The following SAMD4A variants were observed in gnomAD, a reference collection of about 807,000 sequenced individuals.
SAMD4A encodes the protein sterile alpha motif domain containing 4A, also known as protein Smaug homolog 1.
In SAMD4A, 33 loss-of-function variants were observed where a neutral mutation model predicts 81.3. The ratio of observed to expected loss-of-function variants is 0.41; its 90% CI spans 0.31 to 0.54. The LOEUF is 0.54. Ranked by LOEUF, SAMD4A falls within the 20% of genes least tolerant of loss-of-function variation. SAMD4A has a pLI of 0.37. For synonymous variants in SAMD4A, 389 were observed against 382.1 expected, an observed-to-expected ratio of 1.02 and a Z score of -0.21; for missense variants, 854 against 951.1, an observed-to-expected ratio of 0.90 and a Z score of 1.34.
At chr14:54,626,618 C>A (rs1390121949) in intron 2 of SAMD4A, among the ~76,000 whole-genome samples, 1 of 152,130 alleles carries the variant, frequency 6.6e-6, no homozygotes. Context: ...GTACTAAAAA[C>A]CCCTCCTATA....
intron 2 of SAMD4A, among the ~76,000 whole-genome samples, chr14:54,629,335 T>G (rs2034839859): frequency 6.6e-6 from 1 of 152,234 alleles, no homozygotes; most frequent in Non-Finnish European, 1.5e-5. Context: ...TTTTCAGAAC[T>G]GTGAGAATAA....
At chr14:54,754,912 G>A in intron 6 of SAMD4A, 1 of 938,838 alleles carries the variant, frequency 1.1e-6, no homozygotes, top group Non-Finnish European at 1.3e-6. Flanking sequence ...GTCATACATG[G>A]TTCCTGCAAT....
At chr14:54,621,990 TAA>T (rs2140304451) in intron 2 of SAMD4A, among the ~76,000 whole-genome samples, 1 of 152,302 alleles carries the variant, frequency 6.6e-6, no homozygotes, top group East Asian at 1.9e-4. Flanking sequence ...ACTAGAATAA[TAA>T]ACATTTTTCT....
intron 2 of SAMD4A, among the ~76,000 whole-genome samples, chr14:54,607,032 A>G (rs2034226073): frequency 6.6e-6 from 1 of 152,330 alleles, no homozygotes; most frequent in East Asian, 1.9e-4. Flanking sequence ...GACTCGGAAC[A>G]TGAGGCCTTG....
intron 2 of SAMD4A, among the ~76,000 whole-genome samples, chr14:54,621,073 T>A (rs2034602857): frequency 6.6e-6 from 1 of 152,196 alleles, no homozygotes; most frequent in Non-Finnish European, 1.5e-5. Flanking sequence ...TGACATTTGC[T>A]TTTGAGCAGG....
intron 3 of SAMD4A, among the ~76,000 whole-genome samples, chr14:54,735,893 G>A (rs2037679733): frequency 6.6e-6 from 1 of 152,228 alleles, no homozygotes; most frequent in Admixed American, 6.5e-5. Flanking sequence ...ATTTGGGAGA[G>A]CAAATGCCTC....
In SAMD4A at chr14:54,695,511, G is replaced by C. The variant is rs566380767; in HGVS notation, c.197-6551G>C. 1.1e-4 allele frequency among the ~76,000 whole-genome samples: 16 copies of C among 152,278 alleles called. 1 individual carries two copies. In the East Asian group the frequency reaches 3.1e-3, roughly 29 times the overall value. ...AGGTAGAAGCTGCAATGCTTTTTATGACCTAAGGTCAGAACGCCTCCACTG... is the reference window on the plus strand; with the variant it reads ...AGGTAGAAGCTGCAATGCTTTTTATCACCTAAGGTCAGAACGCCTCCACTG... On this transcript the variant is annotated intron_variant, in intron 2 of 12. Coordinates refer to ENST00000554335, the MANE Select transcript of SAMD4A (RefSeq NM_015589.6).
At chr14:54,568,941 G>A (rs114349579) in intron 2 of SAMD4A, among the ~76,000 whole-genome samples, 125 of 151,912 alleles carry the variant, frequency 8.2e-4, no homozygotes, top group African/African-American at 2.7e-3. Flanking sequence ...AGTGAATATA[G>A]TCGAAAGGTC....
Position 54,764,491 on chromosome 14 carries a change from A to G in SAMD4A, c.1547A>G (p.Glu516Gly). Reference sequence around the variant, plus strand: ...CTCTTGGTCTCCAGACCTGATGAGGAAAATATAAGTTCCTATTTACAGCTC... The same window carrying G: ...CTCTTGGTCTCCAGACCTGATGAGGGAAATATAAGTTCCTATTTACAGCTC... ...TQLLVSRPDE[E>G]NISSYLQLID... The change falls in exon 8 of 13, where the codon GAA (glutamate) becomes GGA (glycine). Residue 516 changes from glutamate (E) to glycine (G), a missense_variant. By Grantham distance (98) the Glu-to-Gly change is moderately conservative (BLOSUM62 -2). This residue lies in a region of SAMD4A where 428 missense variants were observed against 471.2 expected (regional missense o/e 0.91). Transcript: ENST00000554335. 5 of 1,613,098 alleles carry G rather than the reference A, an allele frequency of 3.1e-6. No individual in the cohort carries two copies. The highest frequency in any genetic ancestry group is 4.2e-6 in the Non-Finnish European group (5 of 1,179,342).
At chr14:54,586,477 G>A (rs529751327) in intron 2 of SAMD4A, among the ~76,000 whole-genome samples, 1 of 152,154 alleles carries the variant, frequency 6.6e-6, no homozygotes, top group East Asian at 1.9e-4. Flanking sequence ...TTTGCTTTTG[G>A]GTTCTTGATC....
At chr14:54,663,403 C>G (rs2035686287) in intron 2 of SAMD4A, among the ~76,000 whole-genome samples, 1 of 152,178 alleles carries the variant, frequency 6.6e-6, no homozygotes, top group Non-Finnish European at 1.5e-5. Flanking sequence ...TTTTTCAACC[C>G]AGCCTGAACT....
chr14:54,735,230 C>G (rs1483866319), intron 3 of SAMD4A: 1 of 143,146 alleles, frequency 7.0e-6, no homozygotes, highest in Non-Finnish European at 1.5e-5. Context: ...TTTTCTTTCT[C>G]TGCTTTCCCC....
chr14:54,743,185 G>A (rs1594886485), intron 4 of SAMD4A, among the ~76,000 whole-genome samples: 1 of 152,290 alleles, frequency 6.6e-6, no homozygotes, highest in Non-Finnish European at 1.5e-5. Flanking sequence ...ATGAGTGGCT[G>A]GGACATGTTT....
At chr14:54,571,920 C>T (rs558283706) in intron 2 of SAMD4A, among the ~76,000 whole-genome samples, 1 of 152,254 alleles carries the variant, frequency 6.6e-6, no homozygotes, top group South Asian at 2.1e-4. Context: ...GTTTTGGTTT[C>T]TGTAGTACAA....
At chr14:54,740,186 AAAAAAT>A (rs1447767874) in intron 4 of SAMD4A, among the ~76,000 whole-genome samples, 2 of 152,346 alleles carry the variant, frequency 1.3e-5, no homozygotes, top group South Asian at 2.1e-4. Flanking sequence ...ATAAAAACAT[AAAAAAT>A]AAAAATAAAT....
intron 2 of SAMD4A, among the ~76,000 whole-genome samples, chr14:54,603,814 A>G (rs887683862): frequency 4.8e-4 from 72 of 148,724 alleles, no homozygotes; most frequent in Admixed American, 1.1e-3. Context: ...TTGTTTGTTT[A>G]TTTGTTTATT....
At chr14:54,602,372 A>G (rs1186868107) in intron 2 of SAMD4A, among the ~76,000 whole-genome samples, 3 of 141,396 alleles carry the variant, frequency 2.1e-5, no homozygotes, top group East Asian at 4.3e-4. Flanking sequence ...ACACACACAC[A>G]CACGAAACAC....
rs1204855922 is a variant in SAMD4A, at chr14:54,702,356, G to C, written c.491G>C (p.Gly164Ala). 1 of 1,614,034 alleles carries C rather than the reference G, an allele frequency of 6.2e-7. No homozygotes were observed. The highest frequency in any genetic ancestry group is 1.3e-5 in the African/African-American group (1 of 74,920). Reference sequence around the variant, plus strand: ...ACCAGCTTTGGTGGCCAGAACCGAGGCCGCTCAGACTCTGTGGATTATGGA... The same window carrying C: ...ACCAGCTTTGGTGGCCAGAACCGAGCCCGCTCAGACTCTGTGGATTATGGA... ...TSTSFGGQNRGRSDSVDYGQT... is the reference protein window; with the variant it reads ...TSTSFGGQNRARSDSVDYGQT... Residue 164 changes from glycine (G) to alanine (A), a missense_variant, in exon 3 of 13, where the codon GGC becomes GCC. This residue lies in a region of SAMD4A where 387 missense variants were observed against 405.8 expected (regional missense o/e 0.95). Transcript: ENST00000554335.
Position 54,749,739 on chromosome 14 carries a change from A to G in SAMD4A, c.1089+815A>G, listed in dbSNP as rs553899183. Among the ~76,000 whole-genome samples the G allele has an allele frequency of 6.6e-5, 10 of 152,338 alleles. No individual in the cohort carries two copies. The East Asian group carries it at 1.7e-3, about 26-fold the overall frequency. ...AATGTCTTTGTTTCCCTTGTTTAAA[A>G]TGCTATTTGCATGTTTCACATTGGC... On this transcript the variant is annotated intron_variant, in intron 5 of 12. Transcript: ENST00000554335.
Sources: gnomAD v4.1 joint callset for allele counts (sites outside exome capture counted in the v4.1 genomes callset) on GRCh38, gnomAD v4.1.1 for gene constraint, gnomAD v4.1.1 regional missense constraint, MANE v1.5 for transcripts, NCBI Gene and HGNC (gene_info 2026-07-23, HGNC 2026-07-21) for gene names.